Variants in PIEZO2 observed in about 807,000 individuals in gnomAD.
The protein encoded by PIEZO2 is piezo-type mechanosensitive ion channel component 2.
Under a neutral mutation model 337.3 loss-of-function variants are expected in PIEZO2, and 172 were observed. That is an observed-to-expected ratio of 0.51 (90% CI 0.45 to 0.58). The LOEUF is 0.58. Ranked by LOEUF, PIEZO2 falls within the 20% of genes least tolerant of loss-of-function variation. PIEZO2 has a pLI of 0.00. For synonymous variants in PIEZO2, 1,251 were observed against 1,228.5 expected, an observed-to-expected ratio of 1.02 and a Z score of -0.38; for missense variants, 3,028 against 3,391.3, an observed-to-expected ratio of 0.89 and a Z score of 2.66.
At chr18:11,091,327 T>C (rs144111247) in intron 1 of PIEZO2, among the ~76,000 whole-genome samples, 7 of 143,008 alleles carry the variant, frequency 4.9e-5, no homozygotes, top group African/African-American at 1.8e-4. Flanking sequence ...GAGGTTGCAG[T>C]GAGTCCAGAT....
intron 21 of PIEZO2, among the ~76,000 whole-genome samples, chr18:10,765,873 G>T (rs1027450457): frequency 3.9e-5 from 6 of 152,074 alleles, no homozygotes; most frequent in African/African-American, 1.4e-4. Flanking sequence ...GACAGGAAGG[G>T]CCTGATGAAA....
chr18:10,893,022 C>T (rs1260059865), intron 4 of PIEZO2, among the ~76,000 whole-genome samples: 3 of 152,092 alleles, frequency 2.0e-5, no homozygotes, highest in Non-Finnish European at 4.4e-5. Context: ...GGGGATTTCC[C>T]TAATAGAAAA....
In PIEZO2 at chr18:11,096,334, T is replaced by C. The variant is rs2039263794; in HGVS notation, c.65-30112A>G. On this transcript the variant is annotated intron_variant, in intron 1 of 55. Transcript: ENST00000674853. The surrounding 1 kb of genome is among the most constrained non-coding windows in gnomAD (Gnocchi z 4.6). The stretch of plus-strand genomic sequence containing the variant: ...AATACCATTTCATTGGCTTCTGTGA[T>C]AATTTGCTTGGCTTTGAATGCTGAA... Among the ~76,000 whole-genome samples, 1 of 152,252 alleles carries C rather than the reference T, an allele frequency of 6.6e-6. No homozygotes were observed. The highest frequency in any genetic ancestry group is 2.4e-5 in the African/African-American group (1 of 41,478).
rs1191036848 is a variant in PIEZO2 at position 10,837,121 on chromosome 18, A to C, written c.917+18232T>G. The stretch of plus-strand genomic sequence containing the variant: ...CACTCTTCGCACAGGGATTGCTCAC[A>C]ACTCTTTCCATGCCAAGAAGCATGT... On this transcript the variant is annotated intron_variant, in intron 7 of 55. Transcript: ENST00000674853. The surrounding 1 kb of genome is among the most constrained non-coding windows in gnomAD (Gnocchi z 4.4). Among the ~76,000 whole-genome samples, 1 of 152,166 alleles carries C rather than the reference A, an allele frequency of 6.6e-6. No individual in the cohort carries two copies. Among genetic ancestry groups the C allele is most frequent in the Admixed American group, 6.5e-5 (1 of 15,276 alleles).
At chr18:10,976,841 G>A (rs997653562) in intron 3 of PIEZO2, among the ~76,000 whole-genome samples, 5 of 152,120 alleles carry the variant, frequency 3.3e-5, no homozygotes, top group African/African-American at 1.2e-4. Flanking sequence ...AAAGAGGCAG[G>A]TCAAGAGGCC....
chr18:11,095,158 TG>T lies in PIEZO2; in HGVS notation c.65-28937del, dbSNP rs142572580. Among the ~76,000 whole-genome samples the T allele has an allele frequency of 5.2e-3, 799 of 152,338 alleles. 9 individuals are homozygous for T. Among genetic ancestry groups the T allele is most frequent in the African/African-American group, 0.018 (731 of 41,582 alleles). Reference sequence around the variant, plus strand: ...GGAATGAGTGAAAATGGCCATTAATTGCTGAGCCTCAGAACTCAGGTAGACC... The same window carrying T: ...GGAATGAGTGAAAATGGCCATTAATTCTGAGCCTCAGAACTCAGGTAGACC... On this transcript the variant is annotated intron_variant, in intron 1 of 55. Coordinates refer to ENST00000674853, the MANE Select transcript of PIEZO2 (RefSeq NM_001378183.1).
chr18:10,992,937 T>TC (rs1290500359), intron 2 of PIEZO2, among the ~76,000 whole-genome samples: 1 of 152,180 alleles, frequency 6.6e-6, no homozygotes, highest in Non-Finnish European at 1.5e-5. Flanking sequence ...CTTGAAGAGG[T>TC]CTTCACATCC....
intron 28 of PIEZO2, among the ~76,000 whole-genome samples, chr18:10,751,320 A>G (rs546536075): frequency 6.6e-6 from 1 of 152,346 alleles, no homozygotes; most frequent in South Asian, 2.1e-4. Context: ...ACATTTCCCA[A>G]GCATGGCTGT....
intron 7 of PIEZO2, among the ~76,000 whole-genome samples, chr18:10,826,137 C>T (rs1052390807): frequency 2.0e-5 from 3 of 152,148 alleles, no homozygotes; most frequent in Non-Finnish European, 4.4e-5. Flanking sequence ...TCCAAGGAGC[C>T]CTGGTTCCTT....
chr18:11,086,602 A>G (rs2038923743), intron 1 of PIEZO2, among the ~76,000 whole-genome samples: 1 of 152,208 alleles, frequency 6.6e-6, no homozygotes, highest in Non-Finnish European at 1.5e-5. Context: ...GGAAAACTGT[A>G]TTGTTATGAA....
chr18:11,071,304 T>G (rs1237955955), intron 1 of PIEZO2, among the ~76,000 whole-genome samples: 1 of 152,236 alleles, frequency 6.6e-6, no homozygotes, highest in Non-Finnish European at 1.5e-5. Context: ...TCTTTCCAGC[T>G]GCTTTTTCTC....
chr18:11,104,408 C>G lies in PIEZO2; in HGVS notation c.65-38186G>C, dbSNP rs540101756. ...TGTGTCTTTTGGATTTAGGAGACAC[C>G]GTGGCCTGGAGTTTTCTCCCAACTA... is the stretch of plus-strand genomic sequence containing the variant. On this transcript the variant is annotated intron_variant, in intron 1 of 55. Coordinates refer to ENST00000674853, the MANE Select transcript of PIEZO2 (RefSeq NM_001378183.1). The surrounding 1 kb of genome is among the most constrained non-coding windows in gnomAD (Gnocchi z 4.6). Among the ~76,000 whole-genome samples, 6 of 152,148 alleles carry G rather than the reference C, an allele frequency of 3.9e-5. No homozygotes were observed. The highest frequency in any genetic ancestry group is 7.2e-5 in the African/African-American group (3 of 41,430).
chr18:10,704,193 G>A (rs2035464830), intron 42 of PIEZO2: 1 of 700,060 alleles, frequency 1.4e-6, no homozygotes, highest in Admixed American at 3.0e-5. Flanking sequence ...AGTGTGAAAA[G>A]ATTTTTAGAA....
intron 2 of PIEZO2, among the ~76,000 whole-genome samples, chr18:11,014,483 C>A (rs1334741819): frequency 2.7e-5 from 4 of 148,424 alleles, no homozygotes; most frequent in African/African-American, 5.0e-5. Context: ...GGACAGCGAT[C>A]CAGGGCCCCC....
Position 11,046,162 on chromosome 18 carries a change from C to T in PIEZO2, c.160+19965G>A, listed in dbSNP as rs375885951. On this transcript the variant is annotated intron_variant, in intron 2 of 55. Transcript: ENST00000674853. ...CCCATCCCAGCTTTCAGAAACTTGT[C>T]TCCTTATTCCCTGCTGCATGTGCGT... Among the ~76,000 whole-genome samples the T allele has an allele frequency of 6.6e-5, 10 of 152,214 alleles. No homozygotes were observed. In the East Asian group the frequency reaches 7.7e-4, roughly 12 times the overall value.
rs146795316 is a variant in PIEZO2, at chr18:10,960,515, C to G, written c.286+19020G>C. 8.8e-4 allele frequency among the ~76,000 whole-genome samples: 131 copies of G among 149,568 alleles called. 3 individuals carry two copies. In the East Asian group the frequency reaches 0.017, roughly 19 times the overall value. On this transcript the variant is annotated intron_variant, in intron 3 of 55. Coordinates refer to ENST00000674853, the MANE Select transcript of PIEZO2 (RefSeq NM_001378183.1). ...ATAACACCTTAGGCAACATTAAGAA[C>G]AAATAGAGTTGCAGCAACTACACTA...
chr18:10,789,996 A>C (rs892479723), intron 14 of PIEZO2, among the ~76,000 whole-genome samples: 32 of 152,334 alleles, frequency 2.1e-4, no homozygotes, highest in African/African-American at 7.2e-4. Flanking sequence ...TTATTTCAAA[A>C]TAATTATTGG....
Position 10,761,164 on chromosome 18 carries a change from A to G in PIEZO2, c.3250-53T>C, listed in dbSNP as rs142598929. On this transcript the variant is annotated intron_variant, in intron 23 of 55. Coordinates refer to ENST00000674853, the MANE Select transcript of PIEZO2 (RefSeq NM_001378183.1). ...CAGCCAGAGGCTTTATGATTTGGTA[A>G]TTTCAAGCAATCCCCACATTCTGCA... 1.1e-3 allele frequency: 1,511 copies of G among 1,432,196 alleles called. 16 individuals are homozygous for G. The African/African-American group carries it at 0.018, about 18-fold the overall frequency. The allele number at this position is 1,432,196 out of a possible 1,614,324, so 88.7% of individuals were successfully genotyped here.
chr18:10,672,834 T>A lies in PIEZO2; in HGVS notation c.8201A>T (p.Asp2734Val). ...FMDITIILSR[D>V]NTTKYNSEWW... ...CTCACTGTTATATTTAGTTGTATTG[T>A]CTCTGGACAAAATGATGGTAATATC... Residue 2734 changes from aspartate (D) to valine (V), a missense_variant, in exon 55 of 56, where the codon GAC becomes GTC. Coordinates refer to ENST00000674853, the MANE Select transcript of PIEZO2 (RefSeq NM_001378183.1). This position sits in a 1 kb window ranked among gnomAD's most constrained non-coding sequence, Gnocchi z 4.7. 2.5e-6 allele frequency: 4 copies of A among 1,610,254 alleles called. No homozygotes were observed. Among genetic ancestry groups the A allele is most frequent in the Non-Finnish European group, 1.7e-6 (2 of 1,178,188 alleles).
Sources: gnomAD v4.1 joint callset for allele counts (sites outside exome capture counted in the v4.1 genomes callset) on GRCh38, gnomAD v4.1.1 for gene constraint, Gnocchi (gnomAD v3.1) non-coding constraint, MANE v1.5 for transcripts, NCBI Gene and HGNC (gene_info 2026-07-23, HGNC 2026-07-21) for gene names.